CDH4: variants seen among roughly 807,000 people sequenced by gnomAD.
CDH4 encodes cadherin 4, also known as cadherin-4.
A neutral mutation model predicts 86.0 loss-of-function variants in CDH4; 33 were observed. The ratio of observed to expected loss-of-function variants is 0.38; its 90% confidence interval spans 0.29 to 0.51. The LOEUF (loss-of-function observed/expected upper bound fraction) is 0.51, where lower values mean the gene tolerates loss of function less well. CDH4 is among the 20% of genes least tolerant of loss of function. The pLI, the probability that CDH4 is intolerant of heterozygous loss-of-function variation, is 0.86. For missense variants in CDH4, 1,114 were observed against 1,307.4 expected, an observed-to-expected ratio of 0.85 and a Z score of 2.28; for synonymous variants, 555 against 549.4, an observed-to-expected ratio of 1.01 and a Z score of -0.14.
intron 4 of CDH4, among the ~76,000 whole-genome samples, chr20:61,799,131 A>G (rs906037338): frequency 1.3e-5 from 2 of 152,226 alleles, no homozygotes; most frequent in African/African-American, 2.4e-5. Flanking sequence ...GTTACTTGTA[A>G]TTAGCCCTTA....
At chr20:61,918,010 G>A (rs901080134) in intron 9 of CDH4, among the ~76,000 whole-genome samples, 2 of 152,220 alleles carry the variant, frequency 1.3e-5, no homozygotes, top group Middle Eastern at 3.2e-3. Flanking sequence ...TGTTCATAGC[G>A]CTACCACGAC....
intron 2 of CDH4, among the ~76,000 whole-genome samples, chr20:61,266,319 G>C (rs949404244): frequency 6.6e-6 from 1 of 152,014 alleles, no homozygotes; most frequent in Non-Finnish European, 1.5e-5. Flanking sequence ...TCTCTCCCCA[G>C]GGGAGGACCT....
chr20:61,554,507 C>T (rs191019398), intron 2 of CDH4, among the ~76,000 whole-genome samples: 1 of 152,324 alleles, frequency 6.6e-6, no homozygotes, highest in East Asian at 1.9e-4. Context: ...CTGGGAGAGC[C>T]ATAAGGAGCC....
intron 2 of CDH4, among the ~76,000 whole-genome samples, chr20:61,706,645 G>A (rs538789695): frequency 3.7e-4 from 56 of 152,222 alleles, no homozygotes; most frequent in African/African-American, 1.3e-3. Context: ...CAAAGGGATC[G>A]GTTTCTCCCG....
In CDH4 at chr20:61,252,676, CCCCCGCCGCGCT is replaced by C. The variant is rs568586361; in HGVS notation, c.57+113_57+124del. ...ACACCCGGCGGGGCTCTCCCGGGCT[CCCCCGCCGCGCT>C]CCCCGCTGCATCCAGCCCGGCGCCC... is the stretch of plus-strand genomic sequence containing the variant. On this transcript the variant is annotated intron_variant, in intron 1 of 15. Coordinates refer to ENST00000614565, the MANE Select transcript of CDH4 (RefSeq NM_001794.5). This position sits in a 1 kb window ranked among gnomAD's most constrained non-coding sequence, Gnocchi z 4.4. The C allele has an allele frequency of 3.9e-3, 2,270 of 585,500 alleles. 38 individuals are homozygous for C. The African/African-American group carries it at 0.041, about 10-fold the overall frequency. The allele number at this position is 585,500 out of a possible 1,614,324, so 36.3% of individuals were successfully genotyped here.
Position 61,784,435 on chromosome 20 carries a change from A to G in CDH4, c.576+11253A>G, listed in dbSNP as rs202085282. ...AGGCCCTCAGATGTCCTGTGCCCCCAAGAGAAATGTAATCCCAGTTCCTCG... is the reference window on the plus strand; with the variant it reads ...AGGCCCTCAGATGTCCTGTGCCCCCGAGAGAAATGTAATCCCAGTTCCTCG... On this transcript the variant is annotated intron_variant, in intron 4 of 15. Transcript: ENST00000614565. 2.8e-3 allele frequency among the ~76,000 whole-genome samples: 25 copies of G among 8,992 alleles called. 5 individuals are homozygous for G. In the South Asian group the frequency reaches 0.12, roughly 42 times the overall value. 5.9% of individuals were successfully genotyped at this position (8,992 alleles called of 152,430 possible).
intron 2 of CDH4, among the ~76,000 whole-genome samples, chr20:61,598,640 G>A (rs1008299289): frequency 3.3e-5 from 5 of 152,216 alleles, no homozygotes; most frequent in African/African-American, 1.2e-4. Flanking sequence ...CCTCCCACCC[G>A]ACCCTGGGAC....
intron 2 of CDH4, among the ~76,000 whole-genome samples, chr20:61,418,293 C>T (rs1294576762): frequency 6.6e-6 from 1 of 151,216 alleles, no homozygotes; most frequent in African/African-American, 2.4e-5. Context: ...TCACTGCAAG[C>T]TCCGCCTCCC....
intron 2 of CDH4, among the ~76,000 whole-genome samples, chr20:61,520,708 C>T (rs924320584): frequency 1.3e-5 from 2 of 151,106 alleles, no homozygotes; most frequent in South Asian, 2.1e-4. Context: ...GGGAGGGAAG[C>T]GGTAAATCAG....
At chr20:61,927,079 G>A (rs373357740) in intron 11 of CDH4, among the ~76,000 whole-genome samples, 3 of 152,336 alleles carry the variant, frequency 2.0e-5, no homozygotes, top group East Asian at 1.9e-4. Context: ...GTAGCGCCGC[G>A]CTGCGTCACC....
Position 61,746,981 on chromosome 20 carries a change from C to T in CDH4, c.396+3192C>T, listed in dbSNP as rs145024600. On this transcript the variant is annotated intron_variant, in intron 3 of 15. Transcript: ENST00000614565. ...GACACCGGATTGCTGGTGTCCTGGC[C>T]GCCTGCCAGAAGCAACTGTGCATCT... 6.6e-3 allele frequency among the ~76,000 whole-genome samples: 1,011 copies of T among 152,288 alleles called. 10 individuals are homozygous for T. Among genetic ancestry groups the T allele is most frequent in the African/African-American group, 0.023 (970 of 41,558 alleles).
Position 61,937,715 on chromosome 20 carries a change from C to G in CDH4, c.*772C>G, listed in dbSNP as rs972139001. 3 of 152,282 alleles carry G rather than the reference C, an allele frequency of 2.0e-5. No homozygotes were observed. Among genetic ancestry groups the G allele is most frequent in the South Asian group, 2.1e-4 (1 of 4,832 alleles). 9.4% of individuals were successfully genotyped at this position (152,282 alleles called of 1,614,324 possible). On this transcript the variant is annotated 3_prime_UTR_variant, in exon 16 of 16. Transcript: ENST00000614565. ...CAGGGGTCATCCTGAAGGGGCTCCACCCCCAGTCAACCCAGGCCTCCCTCA... is the reference window on the plus strand; with the variant it reads ...CAGGGGTCATCCTGAAGGGGCTCCAGCCCCAGTCAACCCAGGCCTCCCTCA...
chr20:61,699,775 G>T (rs1011148350), intron 2 of CDH4, among the ~76,000 whole-genome samples: 6 of 135,896 alleles, frequency 4.4e-5, no homozygotes, highest in African/African-American at 2.2e-4. Context: ...GCGGACCCGG[G>T]GCTTTCACCG....
chr20:61,752,300 C>G (rs1477927069), intron 3 of CDH4, among the ~76,000 whole-genome samples: 1 of 147,198 alleles, frequency 6.8e-6, no homozygotes, highest in Non-Finnish European at 1.5e-5. Flanking sequence ...CCACTGCACT[C>G]CAGCCTGGGC....
At chr20:61,352,772 G>T (rs1314815097) in intron 2 of CDH4, among the ~76,000 whole-genome samples, 1 of 152,060 alleles carries the variant, frequency 6.6e-6, no homozygotes, top group Non-Finnish European at 1.5e-5. Context: ...CACCTGCACT[G>T]CATTTTCTTC....
chr20:61,327,103 A>G (rs1195474219), intron 2 of CDH4, among the ~76,000 whole-genome samples: 1 of 152,172 alleles, frequency 6.6e-6, no homozygotes, highest in Non-Finnish European at 1.5e-5. Flanking sequence ...GGATCCTGTG[A>G]GCATTGTGTG....
intron 5 of CDH4, among the ~76,000 whole-genome samples, chr20:61,850,682 C>T (rs781576266): frequency 2.6e-5 from 4 of 152,262 alleles, no homozygotes; most frequent in Admixed American, 6.5e-5. Flanking sequence ...CTGCGCCTGA[C>T]GCTCCGATTT....
At chr20:61,405,182 C>A (rs2085074573) in intron 2 of CDH4, among the ~76,000 whole-genome samples, 1 of 152,040 alleles carries the variant, frequency 6.6e-6, no homozygotes, top group Non-Finnish European at 1.5e-5. Context: ...TTCGACCCTG[C>A]CTCCCTCCCC....
intron 2 of CDH4, among the ~76,000 whole-genome samples, chr20:61,366,789 C>T (rs1310252266): frequency 6.6e-6 from 1 of 152,218 alleles, no homozygotes; most frequent in East Asian, 1.9e-4. Context: ...GGCGTTATGG[C>T]TGTCATGAAC....
Sources: allele counts gnomAD v4.1 joint callset (sites outside exome capture counted in the v4.1 genomes callset), GRCh38; gene constraint gnomAD v4.1.1; non-coding constraint Gnocchi (gnomAD v3.1); transcripts MANE v1.5; gene names NCBI Gene and HGNC (gene_info 2026-07-23, HGNC 2026-07-21).